Variants in SLFN12 observed in about 807,000 individuals in gnomAD.
SLFN12 encodes the protein schlafen family member 12, also known as ribonuclease SLFN12.
A neutral mutation model predicts 29.1 loss-of-function variants in SLFN12; 25 were observed. The ratio of observed to expected loss-of-function variants is 0.86; its 90% CI spans 0.63 to 1.20. SLFN12 has a LOEUF of 1.20. Among genes scored for constraint, SLFN12 ranks in the 50% most tolerant of loss-of-function variants. The pLI is 0.00. For synonymous variants in SLFN12, 257 were observed against 238.7 expected (o/e 1.08, Z -0.71); for missense variants, 660 against 666.2 (o/e 0.99, Z 0.10).
chr17:35,418,970 T>C (rs571884011), intron 3 of SLFN12, among the ~76,000 whole-genome samples: 87 of 152,132 alleles, frequency 5.7e-4, no homozygotes, highest in African/African-American at 1.8e-3. Context: ...TGGATTCAAA[T>C]GATTCTTGTG....
upstream of SLFN12, among the ~76,000 whole-genome samples, chr17:35,432,748 A>G (rs1205796155): frequency 3.3e-5 from 5 of 152,226 alleles, no homozygotes; most frequent in Admixed American, 1.3e-4. Flanking sequence ...CTCCTGCTTC[A>G]GAAGGGAGAG....
At chr17:35,412,739 G>T (rs1168986329) in intron 3 of SLFN12, among the ~76,000 whole-genome samples, 1 of 151,842 alleles carries the variant, frequency 6.6e-6, no homozygotes, top group African/African-American at 2.4e-5. Context: ...TGAATTACTA[G>T]AAAACAGGAG....
intron 1 of SLFN12, 96 bp from the exon 2 acceptor site, chr17:35,423,164 A>ATGGTAAG: frequency 2.2e-6 from 3 of 1,359,796 alleles, no homozygotes; most frequent in Non-Finnish European, 2.9e-6. Context: ...TGTGCTGTAT[A>ATGGTAAG]TATTCTACTA....
chr17:35,411,986 A>G, intron 3 of SLFN12, 59 bp from the exon 4 acceptor site: 3 of 1,314,932 alleles, frequency 2.3e-6, no homozygotes. Flanking sequence ...CATTTAAGCC[A>G]TGGCAAAGTA....
At chr17:35,412,617 C>T (rs1023951859) in intron 3 of SLFN12, among the ~76,000 whole-genome samples, 4 of 152,082 alleles carry the variant, frequency 2.6e-5, no homozygotes. Flanking sequence ...ACTCTAACTA[C>T]CTGTCAGAAG....
rs759824634 is a variant in SLFN12, at chr17:35,411,332, T to C, written c.*6A>G. The C allele has an allele frequency of 1.8e-5, 27 of 1,507,142 alleles. No homozygotes were observed. In the South Asian group the frequency reaches 3.4e-4, roughly 19 times the overall value. 93.4% of individuals were successfully genotyped at this position (1,507,142 alleles called of 1,614,324 possible). On this transcript the variant is annotated 3_prime_UTR_variant, in exon 4 of 4. Transcript: ENST00000304905. ...AAAATATCTCAGTAGCCCAGTCCAT[T>C]TTCCATCAGGTGAGCCTTCGACAAG... is the stretch of plus-strand genomic sequence containing the variant.
At chr17:35,421,680 C>T (rs1019490013) in intron 2 of SLFN12, among the ~76,000 whole-genome samples, 9 of 151,796 alleles carry the variant, frequency 5.9e-5, no homozygotes, top group African/African-American at 2.2e-4. Context: ...GCTGGGACTA[C>T]AGGCACGTGC....
At chr17:35,421,782 C>A (rs146818823) in intron 2 of SLFN12, among the ~76,000 whole-genome samples, 2 of 151,732 alleles carry the variant, frequency 1.3e-5, no homozygotes, top group Non-Finnish European at 2.9e-5. Context: ...CCTCGTGATC[C>A]GCCCGCCTTG....
At position 35,428,266 on chromosome 17, in the gene SLFN12, C is replaced by T. The variant is rs1912119490; in HGVS notation, c.-41+3922G>A. 2.0e-5 allele frequency among the ~76,000 whole-genome samples: 3 copies of T among 152,100 alleles called. No homozygotes were observed. The East Asian group carries it at 5.8e-4, about 29-fold the overall frequency. On this transcript the variant is annotated intron_variant, in intron 1 of 3. Coordinates refer to ENST00000304905, the MANE Select transcript of SLFN12 (RefSeq NM_018042.5). ...CCAAATAATTGTATCAGAATTATCG[C>T]TAGCAAATTTATCTTAGTGGTGATT...
At position 35,422,271 on chromosome 17, in the gene SLFN12, T is replaced by C. The variant is rs756987909; in HGVS notation, c.758A>G (p.Glu253Gly). ...EDKEIIGFKA[E>G]MSDLDDLERE... The stretch of plus-strand genomic sequence containing the variant: ...TTCTAAGTCATCGAGGTCACTCATC[T>C]CTGCTTTAAAGCCAATTATTTCTTT... The change falls in exon 2 of 4, where the codon GAG (glutamate) becomes GGG (glycine). Residue 253 changes from glutamate (E) to glycine (G), a missense_variant. By Grantham distance (98) the Glu-to-Gly change is moderately conservative. Coordinates refer to ENST00000304905, the MANE Select transcript of SLFN12 (RefSeq NM_018042.5). 1 of 1,614,088 alleles carries C rather than the reference T, an allele frequency of 6.2e-7. No homozygotes were observed. The highest frequency in any genetic ancestry group is 1.1e-5 in the South Asian group (1 of 91,084).
At chr17:35,426,255 T>G (rs1912017437) in intron 1 of SLFN12, among the ~76,000 whole-genome samples, 1 of 152,106 alleles carries the variant, frequency 6.6e-6, no homozygotes. Flanking sequence ...ATTCTTTTAC[T>G]CTGTTGATTT....
At chr17:35,412,751 AAAATC>A (rs1911097829) in intron 3 of SLFN12, among the ~76,000 whole-genome samples, 2 of 152,096 alleles carry the variant, frequency 1.3e-5, no homozygotes, top group Non-Finnish European at 2.9e-5. Flanking sequence ...AAACAGGAGA[AAAATC>A]AGATCAGAGA....
chr17:35,414,794 C>A (rs1246138184), intron 3 of SLFN12, among the ~76,000 whole-genome samples: 1 of 151,904 alleles, frequency 6.6e-6, no homozygotes, highest in East Asian at 1.9e-4. Flanking sequence ...AAATACTTAG[C>A]AATATACCTA....
intron 1 of SLFN12, among the ~76,000 whole-genome samples, chr17:35,426,253 A>C (rs1265810546): frequency 6.6e-6 from 1 of 150,808 alleles, no homozygotes; most frequent in African/African-American, 2.4e-5. Flanking sequence ...CTATTCTTTT[A>C]CTCTGTTGAT....
At chr17:35,414,055 T>G (rs1228983120) in intron 3 of SLFN12, among the ~76,000 whole-genome samples, 1 of 152,076 alleles carries the variant, frequency 6.6e-6, no homozygotes, top group Non-Finnish European at 1.5e-5. Context: ...ATTGAAAGCT[T>G]TTCATCTAAG....
chr17:35,412,997 A>G (rs1270716661), intron 3 of SLFN12, among the ~76,000 whole-genome samples: 1 of 151,924 alleles, frequency 6.6e-6, no homozygotes, highest in Non-Finnish European at 1.5e-5. Context: ...AACAGCAGAC[A>G]GAGCATAGCA....
At chr17:35,417,387 T>C (rs1597768895) in intron 3 of SLFN12, among the ~76,000 whole-genome samples, 1 of 152,112 alleles carries the variant, frequency 6.6e-6, no homozygotes, top group African/African-American at 2.4e-5. Flanking sequence ...ACTAGAAATA[T>C]CATTAAACTT....
At chr17:35,417,600 G>C (rs1744147685) in intron 3 of SLFN12, among the ~76,000 whole-genome samples, 1 of 151,932 alleles carries the variant, frequency 6.6e-6, no homozygotes, top group African/African-American at 2.4e-5. Context: ...AAGACTATTT[G>C]CATTAAGAAT....
chr17:35,428,301 T>C (rs1912122040), intron 1 of SLFN12, among the ~76,000 whole-genome samples: 1 of 152,170 alleles, frequency 6.6e-6, no homozygotes, highest in African/African-American at 2.4e-5. Flanking sequence ...TACAGCACTT[T>C]GCCTTGAACC....
Sources: allele counts gnomAD v4.1 joint callset (sites outside exome capture counted in the v4.1 genomes callset), GRCh38; gene constraint gnomAD v4.1.1; transcripts MANE v1.5; gene names NCBI Gene and HGNC (gene_info 2026-07-23, HGNC 2026-07-21).